The following TTC7A variants were observed in gnomAD, a reference collection of about 807,000 sequenced individuals.
TTC7A encodes the protein tetratricopeptide repeat protein 7A.
TTC7A carries 110 observed loss-of-function variants against 103.7 expected under a neutral mutation model. That is an observed-to-expected ratio of 1.06 (90% CI 0.91 to 1.24). The LOEUF is 1.24. TTC7A is among the 50% of genes most tolerant of loss of function. The probability of loss-of-function intolerance (pLI) is 0.00; values close to 1 mark genes in which losing one functional copy is unlikely to be tolerated. For synonymous variants in TTC7A, 521 were observed against 467.9 expected (o/e 1.11, Z -1.47); for missense variants, 1,340 against 1,116.3 (o/e 1.20, Z -2.86).
chr2:46,935,067 G>C (rs1397808926), intron 2 of TTC7A, among the ~76,000 whole-genome samples: 1 of 152,020 alleles, frequency 6.6e-6, no homozygotes, highest in African/African-American at 2.4e-5. Context: ...CCAAAGTGTG[G>C]GGATTACAGG....
intron 14 of TTC7A, among the ~76,000 whole-genome samples, chr2:47,026,790 A>G (rs1280129850): frequency 6.6e-6 from 1 of 152,210 alleles, no homozygotes; most frequent in Non-Finnish European, 1.5e-5. Context: ...GGACACTGAA[A>G]TAGGTTTAAC....
chr2:47,024,420 C>A (rs1679660728), intron 14 of TTC7A, 61 bp downstream of exon 14: 1 of 1,458,718 alleles, frequency 6.9e-7, no homozygotes, highest in Non-Finnish European at 9.3e-7. Context: ...CTCCTGGAAA[C>A]CCAGCTTACC....
intron 3 of TTC7A, among the ~76,000 whole-genome samples, chr2:46,972,685 G>A (rs1361772461): frequency 6.6e-6 from 1 of 152,242 alleles, no homozygotes; most frequent in Non-Finnish European, 1.5e-5. Flanking sequence ...GGGAAAGTGG[G>A]TGTCCCCTGC....
intron 2 of TTC7A, among the ~76,000 whole-genome samples, chr2:46,930,942 A>G (rs1308266626): frequency 6.6e-6 from 1 of 152,276 alleles, no homozygotes; most frequent in African/African-American, 2.4e-5. Flanking sequence ...TTACAAAGCT[A>G]TCATAATTTT....
At chr2:46,917,399 C>G (rs1182895870) in intron 2 of TTC7A, 1 of 569,548 alleles carries the variant, frequency 1.8e-6, no homozygotes, top group Non-Finnish European at 3.1e-6. Flanking sequence ...TCCTTCTACC[C>G]TGCATCTGCC....
At chr2:46,943,596 C>T (rs1297736729) in intron 1 of TTC7A, among the ~76,000 whole-genome samples, 11 of 152,230 alleles carry the variant, frequency 7.2e-5, no homozygotes, top group Non-Finnish European at 1.3e-4. Context: ...AAAATGCCTC[C>T]CAAAGCCCAT....
Position 46,941,512 on chromosome 2 carries a change from C to G in TTC7A, c.-30C>G. 6.5e-7 allele frequency: 1 copy of G among 1,547,596 alleles called. No individual in the cohort carries two copies. Among genetic ancestry groups the G allele is most frequent in the Middle Eastern group, 1.8e-4 (1 of 5,698 alleles). On this transcript the variant is annotated 5_prime_UTR_variant, in exon 1 of 20. Coordinates refer to ENST00000319190, the MANE Select transcript of TTC7A (RefSeq NM_020458.4). This position sits in a 1 kb window ranked among gnomAD's most constrained non-coding sequence, Gnocchi z 4.2. ...CCCGGCCGGGTCTCCACTTCTTGGC[C>G]GCACCTTCCATGACAGCGCCCGCGA...
At chr2:46,940,353 C>T (rs900215983), upstream of TTC7A, among the ~76,000 whole-genome samples, 7 of 152,116 alleles carry the variant, frequency 4.6e-5, no homozygotes, top group Non-Finnish European at 8.8e-5. This position sits in a 1 kb window ranked among gnomAD's most constrained non-coding sequence, Gnocchi z 4.7. Flanking sequence ...GGTTTCGGGT[C>T]TTGCTGTGGC....
chr2:47,042,497 T>C (rs1301151553), intron 15 of TTC7A, among the ~76,000 whole-genome samples: 1 of 104,922 alleles, frequency 9.5e-6, no homozygotes, highest in African/African-American at 5.3e-5. Context: ...CCAGACCTTG[T>C]CTCTTTAAAA....
chr2:47,050,134 C>G, intron 17 of TTC7A, 88 bp downstream of exon 17: 1 of 1,168,928 alleles, frequency 8.6e-7, no homozygotes, highest in Non-Finnish European at 1.3e-6. Context: ...AGGGGCCGGG[C>G]CCTCTCCCAG....
chr2:46,980,248 C>G (rs1674307410), intron 5 of TTC7A, among the ~76,000 whole-genome samples: 1 of 117,484 alleles, frequency 8.5e-6, no homozygotes, highest in African/African-American at 3.3e-5. Context: ...AAAGACAGAT[C>G]TTACTCTGAC....
intron 3 of TTC7A, chr2:46,974,577 T>G (rs1282615323): frequency 9.0e-6 from 4 of 442,936 alleles, no homozygotes; most frequent in African/African-American, 2.0e-5. Context: ...AGGTAAAGGT[T>G]ATTGCATTTC....
intron 10 of TTC7A, among the ~76,000 whole-genome samples, chr2:47,010,404 C>A (rs1053558349): frequency 3.3e-5 from 5 of 152,192 alleles, no homozygotes; most frequent in African/African-American, 9.7e-5. Flanking sequence ...CTTAGGACAA[C>A]GCCTGCACAT....
intron 1 of TTC7A, among the ~76,000 whole-genome samples, chr2:46,947,809 C>G (rs1671061243): frequency 6.6e-6 from 1 of 152,182 alleles, no homozygotes; most frequent in Admixed American, 6.5e-5. Flanking sequence ...AAAGTACTAC[C>G]TCCCAATTTT....
intron 15 of TTC7A, chr2:47,045,671 G>T (rs1346413699): frequency 6.6e-6 from 1 of 152,308 alleles, no homozygotes; most frequent in African/African-American, 2.4e-5. Flanking sequence ...ATCCAAGGAA[G>T]AATCCTTTGA....
intron 10 of TTC7A, among the ~76,000 whole-genome samples, chr2:47,009,542 C>T (rs1339214293): frequency 6.6e-6 from 1 of 152,060 alleles, no homozygotes; most frequent in Admixed American, 6.6e-5. Context: ...CCTTAGATGG[C>T]GGGGAAAAGG....
chr2:47,046,583 C>A, intron 16 of TTC7A, 152 bp downstream of exon 16: 1 of 647,488 alleles, frequency 1.5e-6, no homozygotes, highest in Non-Finnish European at 2.7e-6. Flanking sequence ...GCTTTCACAT[C>A]CATAGTCCAG....
At chr2:46,983,719 A>G (rs1674719451) in intron 5 of TTC7A, among the ~76,000 whole-genome samples, 1 of 152,242 alleles carries the variant, frequency 6.6e-6, no homozygotes, top group Non-Finnish European at 1.5e-5. Context: ...CTTCATTTGC[A>G]TATAATCTCA....
At chr2:47,014,687 G>A (rs1028741233) in intron 11 of TTC7A, among the ~76,000 whole-genome samples, 1 of 152,232 alleles carries the variant, frequency 6.6e-6, no homozygotes, top group Non-Finnish European at 1.5e-5. Flanking sequence ...TCCTGCCTTC[G>A]CAGTTATTCT....
Sources: allele counts gnomAD v4.1 joint callset (sites outside exome capture counted in the v4.1 genomes callset), GRCh38; gene constraint gnomAD v4.1.1; non-coding constraint Gnocchi (gnomAD v3.1); transcripts MANE v1.5; gene names NCBI Gene and HGNC (gene_info 2026-07-23, HGNC 2026-07-21).